Variants in GRID2 observed in about 807,000 individuals in gnomAD.
GRID2 encodes glutamate ionotropic receptor delta type subunit 2.
GRID2 carries 33 observed loss-of-function variants against 114.8 expected under a neutral mutation model. That is an observed-to-expected ratio of 0.29 (90% CI 0.22 to 0.38). The LOEUF (loss-of-function observed/expected upper bound fraction) is 0.38. Ranked by LOEUF, GRID2 falls within the 10% of genes least tolerant of loss-of-function variation. The pLI is 1.00. For missense variants in GRID2, 1,184 were observed against 1,257.7 expected (o/e 0.94, Z 0.89); for synonymous variants, 505 against 449.9 (o/e 1.12, Z -1.55).
At chr4:92,464,508 A>C (rs551867979) in intron 1 of GRID2, among the ~76,000 whole-genome samples, 1 of 152,116 alleles carries the variant, frequency 6.6e-6, no homozygotes, top group African/African-American at 2.4e-5. Context: ...TATGTTAATT[A>C]TTTTCTTCTG....
chr4:93,769,093 T>C (rs1298156207), intron 14 of GRID2, 117 bp from the exon 15 acceptor site: 3 of 906,834 alleles, frequency 3.3e-6, no homozygotes, highest in East Asian at 2.4e-5. Flanking sequence ...CAGATCTATA[T>C]ATTCATTTCC....
At chr4:92,834,944 A>T (rs1156906349) in intron 2 of GRID2, among the ~76,000 whole-genome samples, 1 of 152,110 alleles carries the variant, frequency 6.6e-6, no homozygotes, top group East Asian at 1.9e-4. Flanking sequence ...TCGCCTTGGA[A>T]ATGTATGATG....
intron 2 of GRID2, among the ~76,000 whole-genome samples, chr4:92,872,439 A>G (rs1745341607): frequency 1.3e-5 from 2 of 152,180 alleles, no homozygotes; most frequent in African/African-American, 2.4e-5. Context: ...TATATACTGC[A>G]TATTTTTGGT....
At chr4:93,021,534 TAAA>T (rs1723312895) in intron 2 of GRID2, among the ~76,000 whole-genome samples, 1 of 146,836 alleles carries the variant, frequency 6.8e-6, no homozygotes, top group Non-Finnish European at 1.5e-5. Flanking sequence ...TTTTTGTAAA[TAAA>T]AAATGAATGA....
chr4:93,494,483 A>T (rs996701761), intron 12 of GRID2, among the ~76,000 whole-genome samples: 2 of 151,868 alleles, frequency 1.3e-5, no homozygotes, highest in East Asian at 3.9e-4. Context: ...ATAATTTCAT[A>T]AAATTTTACC....
chr4:92,485,324 A>G (rs1218935129), intron 1 of GRID2, among the ~76,000 whole-genome samples: 1 of 97,034 alleles, frequency 1.0e-5, no homozygotes, highest in African/African-American at 3.6e-5. Flanking sequence ...ATATATATAT[A>G]TATATATATA....
At chr4:92,800,331 G>T (rs1485740930) in intron 2 of GRID2, among the ~76,000 whole-genome samples, 4 of 149,884 alleles carry the variant, frequency 2.7e-5, no homozygotes, top group Admixed American at 2.0e-4. Flanking sequence ...AGGAAGGAAA[G>T]AAAAAAAAGA....
chr4:92,634,131 AAAAAC>A (rs1192695911), intron 2 of GRID2, among the ~76,000 whole-genome samples: 1 of 151,970 alleles, frequency 6.6e-6, no homozygotes, highest in Non-Finnish European at 1.5e-5. Flanking sequence ...AAAAACAACA[AAAAAC>A]AAAACTCATA....
chr4:92,506,021 G>T (rs1399899247), intron 1 of GRID2, among the ~76,000 whole-genome samples: 1 of 152,026 alleles, frequency 6.6e-6, no homozygotes, highest in South Asian at 2.1e-4. Flanking sequence ...TTCTGCATTT[G>T]CATATTGACT....
intron 2 of GRID2, among the ~76,000 whole-genome samples, chr4:92,749,435 C>T (rs1477150235): frequency 1.3e-5 from 2 of 150,642 alleles, no homozygotes; most frequent in Non-Finnish European, 2.9e-5. Context: ...CTGCCTCAGC[C>T]TCTCAAGTAG....
At chr4:92,465,670 C>A (rs1721718872) in intron 1 of GRID2, among the ~76,000 whole-genome samples, 1 of 151,986 alleles carries the variant, frequency 6.6e-6, no homozygotes, top group Non-Finnish European at 1.5e-5. Flanking sequence ...GTTCATAAAG[C>A]AACATCATCT....
chr4:92,765,408 G>A (rs1738209782), intron 2 of GRID2, among the ~76,000 whole-genome samples: 2 of 152,204 alleles, frequency 1.3e-5, no homozygotes, highest in African/African-American at 4.8e-5. Context: ...TATTTTATGG[G>A]TAAGGATAAT....
intron 2 of GRID2, among the ~76,000 whole-genome samples, chr4:92,650,805 A>G (rs1020747795): frequency 2.6e-5 from 4 of 151,930 alleles, no homozygotes; most frequent in Non-Finnish European, 4.4e-5. Flanking sequence ...CTGGACCCAT[A>G]AATCCTGGCT....
At chr4:93,731,491 A>G (rs1327042087) in intron 14 of GRID2, among the ~76,000 whole-genome samples, 1 of 152,234 alleles carries the variant, frequency 6.6e-6, no homozygotes, top group Non-Finnish European at 1.5e-5. Flanking sequence ...CTGATTTGTA[A>G]GGAATTTGTC....
chr4:92,817,870 T>C (rs1054225281), intron 2 of GRID2, among the ~76,000 whole-genome samples: 1 of 152,090 alleles, frequency 6.6e-6, no homozygotes, highest in African/African-American at 2.4e-5. Context: ...ATGTAAGTTC[T>C]ATGGCAATTT....
At chr4:93,548,989 A>G (rs1464121625) in intron 13 of GRID2, among the ~76,000 whole-genome samples, 5 of 152,348 alleles carry the variant, frequency 3.3e-5, no homozygotes, top group African/African-American at 1.2e-4. Flanking sequence ...TGTAGAAGAA[A>G]TAAGTTAATA....
chr4:92,552,718 G>A (rs1432388868), intron 1 of GRID2, among the ~76,000 whole-genome samples: 1 of 152,100 alleles, frequency 6.6e-6, no homozygotes, highest in African/African-American at 2.4e-5. Flanking sequence ...TGAAGTTTTG[G>A]GGAGCAACAA....
intron 1 of GRID2, among the ~76,000 whole-genome samples, chr4:92,570,816 T>C (rs1407895946): frequency 6.6e-6 from 1 of 152,102 alleles, no homozygotes; most frequent in Non-Finnish European, 1.5e-5. Context: ...GAGACTTTGC[T>C]AAAATTGTGT....
intron 12 of GRID2, among the ~76,000 whole-genome samples, chr4:93,511,302 A>G (rs926377932): frequency 6.6e-6 from 1 of 152,176 alleles, no homozygotes; most frequent in Non-Finnish European, 1.5e-5. Flanking sequence ...CAGAAACCTA[A>G]AGCCACTCAA....
Sources: gnomAD v4.1 joint callset for allele counts (sites outside exome capture counted in the v4.1 genomes callset) on GRCh38, gnomAD v4.1.1 for gene constraint, MANE v1.5 for transcripts, NCBI Gene and HGNC (gene_info 2026-07-23, HGNC 2026-07-21) for gene names.